The following SLC25A21 variants were observed in gnomAD, a reference collection of about 807,000 sequenced individuals.
The protein encoded by SLC25A21 is mitochondrial 2-oxodicarboxylate carrier.
Under a neutral mutation model 43.8 loss-of-function variants are expected in SLC25A21, and 47 were observed. The observed-to-expected ratio is 1.07, with a 90% CI of 0.85 to 1.37. The LOEUF (loss-of-function observed/expected upper bound fraction) is 1.37, where lower values mean the gene tolerates loss of function less well. SLC25A21 is among the 40% of genes most tolerant of loss of function. The pLI is 0.00. For synonymous variants in SLC25A21, 131 were observed against 121.3 expected (o/e 1.08, Z -0.52); for missense variants, 352 against 350.2 (o/e 1.00, Z -0.04).
chr14:36,836,523 T>C (rs1481838201), intron 2 of SLC25A21, among the ~76,000 whole-genome samples: 2 of 152,220 alleles, frequency 1.3e-5, no homozygotes, highest in Admixed American at 1.3e-4. Context: ...TATTGCTCTG[T>C]ACTTAAACGT....
At chr14:36,680,782 G>T in intron 9 of SLC25A21, 63 bp from the exon 10 acceptor site, 1 of 1,504,848 alleles carries the variant, frequency 6.6e-7, no homozygotes, top group Non-Finnish European at 9.1e-7. Flanking sequence ...CTTTCCCACT[G>T]GGTTTCTGAA....
intron 3 of SLC25A21, among the ~76,000 whole-genome samples, chr14:36,757,603 C>T (rs183404100): frequency 5.3e-5 from 8 of 152,274 alleles, no homozygotes; most frequent in Admixed American, 2.0e-4. Context: ...AAAGATCTAT[C>T]TCATTCCTTT....
At chr14:36,808,241 T>C (rs1463569938) in intron 3 of SLC25A21, among the ~76,000 whole-genome samples, 3 of 152,268 alleles carry the variant, frequency 2.0e-5, no homozygotes, top group Admixed American at 2.0e-4. Context: ...GCCCAAGAAT[T>C]TTTCACATAA....
In SLC25A21 at chr14:36,977,959, A is replaced by ATTTT. The variant is rs1207658919; in HGVS notation, c.71-102956_71-102955insAAAA. ...ACAAAGCTTTTTTTTTTTTTTAAAA[A>ATTTT]AAAAAAAAGACAATTAGTTTGAACT... On this transcript the variant is annotated intron_variant, in intron 1 of 9. Transcript: ENST00000331299. Among the ~76,000 whole-genome samples the ATTTT allele has an allele frequency of 0.016, 2,403 of 151,258 alleles. 150 individuals are homozygous for ATTTT. In the East Asian group the frequency reaches 0.22, roughly 14 times the overall value.
chr14:36,769,528 C>G (rs767794111), intron 3 of SLC25A21, among the ~76,000 whole-genome samples: 1 of 152,142 alleles, frequency 6.6e-6, no homozygotes, highest in Non-Finnish European at 1.5e-5. Context: ...CTAAAAATCC[C>G]TAAAAATCCC....
chr14:36,846,092 G>A (rs1889532241), intron 2 of SLC25A21, among the ~76,000 whole-genome samples: 1 of 152,178 alleles, frequency 6.6e-6, no homozygotes, highest in South Asian at 2.1e-4. Context: ...AAGAGTGACT[G>A]ATAGTGTTTA....
intron 3 of SLC25A21, among the ~76,000 whole-genome samples, chr14:36,764,083 G>GAGA (rs1213150423): frequency 1.5e-4 from 3 of 19,726 alleles, no homozygotes; most frequent in Non-Finnish European, 9.3e-5. Context: ...AAAGAAAGAA[G>GAGA]GAAGGAAGGA....
At chr14:36,850,268 T>C (rs1889683583) in intron 2 of SLC25A21, among the ~76,000 whole-genome samples, 1 of 152,192 alleles carries the variant, frequency 6.6e-6, no homozygotes, top group Non-Finnish European at 1.5e-5. Context: ...AATAATTGAC[T>C]CTTTGCCAGA....
chr14:36,958,738 G>A (rs932629192), intron 1 of SLC25A21, among the ~76,000 whole-genome samples: 3 of 151,974 alleles, frequency 2.0e-5, no homozygotes, highest in African/African-American at 4.8e-5. Flanking sequence ...AGCCAGAAGG[G>A]AGGGGGACAC....
chr14:37,142,988 G>C (rs966563498), intron 1 of SLC25A21, among the ~76,000 whole-genome samples: 1 of 152,194 alleles, frequency 6.6e-6, no homozygotes, highest in Admixed American at 6.5e-5. Flanking sequence ...TACAGGCAAA[G>C]GGAGCTGTCC....
intron 1 of SLC25A21, among the ~76,000 whole-genome samples, chr14:36,892,523 C>T (rs1178676867): frequency 6.6e-6 from 1 of 151,900 alleles, no homozygotes; most frequent in Non-Finnish European, 1.5e-5. Context: ...AGGCCAGGAA[C>T]AGAAAGACCA....
At chr14:36,839,698 A>G (rs2138495850) in intron 2 of SLC25A21, among the ~76,000 whole-genome samples, 1 of 152,340 alleles carries the variant, frequency 6.6e-6, no homozygotes. Flanking sequence ...TGTGAAATGC[A>G]TCAATAGGCA....
chr14:37,146,676 T>C (rs558038220), intron 1 of SLC25A21, among the ~76,000 whole-genome samples: 1 of 152,362 alleles, frequency 6.6e-6, no homozygotes, highest in Admixed American at 6.5e-5. Context: ...ATGCATTCAT[T>C]CTTACATTTA....
chr14:36,744,709 AACAG>A lies in SLC25A21; in HGVS notation c.204-10140_204-10137del, dbSNP rs554008891. On this transcript the variant is annotated intron_variant, in intron 3 of 9. Coordinates refer to ENST00000331299, the MANE Select transcript of SLC25A21 (RefSeq NM_030631.4). ...AGCAAAAGAAATAATCATCCAAGTA[AACAG>A]ACAGTCTACAGAATGAGGGAAAATA... 6.0e-5 allele frequency among the ~76,000 whole-genome samples: 8 copies of A among 132,636 alleles called. No homozygotes were observed. In the East Asian group the frequency reaches 1.0e-3, roughly 17 times the overall value. 87.0% of individuals were successfully genotyped at this position (132,636 alleles called of 152,430 possible).
At chr14:36,906,286 A>G (rs1180022305) in intron 1 of SLC25A21, among the ~76,000 whole-genome samples, 1 of 152,202 alleles carries the variant, frequency 6.6e-6, no homozygotes, top group East Asian at 1.9e-4. Flanking sequence ...TCAAAAAATA[A>G]AAAATTCCAG....
intron 1 of SLC25A21, among the ~76,000 whole-genome samples, chr14:36,941,224 C>T (rs1892549067): frequency 6.6e-6 from 1 of 151,968 alleles, no homozygotes; most frequent in Non-Finnish European, 1.5e-5. Context: ...TATCACAAAA[C>T]AGTGGAAAAA....
chr14:37,095,304 G>A (rs1182828808), intron 1 of SLC25A21, among the ~76,000 whole-genome samples: 1 of 152,086 alleles, frequency 6.6e-6, no homozygotes, highest in East Asian at 1.9e-4. Flanking sequence ...CATCACTTGA[G>A]GTCAGGAGCT....
intron 1 of SLC25A21, among the ~76,000 whole-genome samples, chr14:36,975,771 T>C (rs1372085059): frequency 1.3e-5 from 2 of 152,092 alleles, no homozygotes; most frequent in African/African-American, 4.8e-5. Context: ...TGATCCCAAG[T>C]GACAAATGGT....
At chr14:36,797,167 A>T (rs1356975605) in intron 3 of SLC25A21, among the ~76,000 whole-genome samples, 2 of 152,212 alleles carry the variant, frequency 1.3e-5, no homozygotes, top group Non-Finnish European at 2.9e-5. Flanking sequence ...AAATTTCAAA[A>T]TATTAAAGTC....
Sources: gnomAD v4.1 joint callset for allele counts (sites outside exome capture counted in the v4.1 genomes callset) on GRCh38, gnomAD v4.1.1 for gene constraint, MANE v1.5 for transcripts, NCBI Gene and HGNC (gene_info 2026-07-23, HGNC 2026-07-21) for gene names.